DEPTOR: variants seen among roughly 807,000 people sequenced by gnomAD.
DEPTOR encodes DEP domain-containing mTOR-interacting protein.
Under a neutral mutation model 41.6 loss-of-function variants are expected in DEPTOR, and 41 were observed. That is an observed-to-expected ratio of 0.98 (90% CI 0.77 to 1.28). The LOEUF (loss-of-function observed/expected upper bound fraction) is 1.28, where lower values mean the gene tolerates loss of function less well. Ranked by LOEUF, DEPTOR falls within the 50% of genes most tolerant of loss-of-function variation. The pLI, the probability that DEPTOR is intolerant of heterozygous loss-of-function variation, is 0.00. For synonymous variants in DEPTOR, 195 were observed against 192.3 expected, an observed-to-expected ratio of 1.01 and a Z score of -0.12; for missense variants, 514 against 527.9, an observed-to-expected ratio of 0.97 and a Z score of 0.26.
At chr8:119,911,978 G>T (rs1022091384) in intron 1 of DEPTOR, among the ~76,000 whole-genome samples, 2 of 152,176 alleles carry the variant, frequency 1.3e-5, no homozygotes, top group African/African-American at 4.8e-5. Context: ...GAATGAGATA[G>T]TTTTTTACTC....
At chr8:120,001,917 GT>G (rs1299537572) in intron 5 of DEPTOR, among the ~76,000 whole-genome samples, 1 of 152,046 alleles carries the variant, frequency 6.6e-6, no homozygotes, top group Non-Finnish European at 1.5e-5. Flanking sequence ...ATAAAATTAT[GT>G]ATTTGAATTA....
intron 4 of DEPTOR, among the ~76,000 whole-genome samples, chr8:119,968,897 C>T (rs1289136250): frequency 6.6e-6 from 1 of 151,958 alleles, no homozygotes; most frequent in Non-Finnish European, 1.5e-5. Context: ...GGTGGCTCAG[C>T]GAGCTGGCCA....
intron 3 of DEPTOR, among the ~76,000 whole-genome samples, chr8:119,943,858 G>A (rs1417344035): frequency 6.6e-6 from 1 of 151,862 alleles, no homozygotes; most frequent in African/African-American, 2.4e-5. Context: ...TATTTTTTGA[G>A]ACGGAGTCTC....
chr8:119,888,377 G>C (rs927812285), intron 1 of DEPTOR, among the ~76,000 whole-genome samples: 2 of 152,122 alleles, frequency 1.3e-5, no homozygotes, highest in South Asian at 4.1e-4. Context: ...TTTAGCTCTC[G>C]ACTTGGCAGA....
At chr8:119,917,855 T>C (rs562540114) in intron 1 of DEPTOR, among the ~76,000 whole-genome samples, 3 of 152,328 alleles carry the variant, frequency 2.0e-5, no homozygotes, top group Non-Finnish European at 4.4e-5. Context: ...TTCCACCTAC[T>C]GAGATAGGGG....
chr8:119,990,850 T>G lies in DEPTOR; in HGVS notation c.605-10675T>G, dbSNP rs1192717529. ...GTTGTTATTGCCTTTTGGAGAGTTTTGTATCCCAAGCAGCTAGCACCGTTT... is the reference window on the plus strand; with the variant it reads ...GTTGTTATTGCCTTTTGGAGAGTTTGGTATCCCAAGCAGCTAGCACCGTTT... On this transcript the variant is annotated intron_variant, in intron 4 of 8. Coordinates refer to ENST00000286234, the MANE Select transcript of DEPTOR (RefSeq NM_022783.4). Among the ~76,000 whole-genome samples the G allele has an allele frequency of 3.9e-5, 6 of 152,186 alleles. No individual in the cohort carries two copies. In the East Asian group the frequency reaches 1.2e-3, roughly 29 times the overall value.
At chr8:120,021,882 A>G (rs1586661665) in intron 8 of DEPTOR, among the ~76,000 whole-genome samples, 2 of 151,904 alleles carry the variant, frequency 1.3e-5, no homozygotes, top group African/African-American at 4.8e-5. Context: ...TCGTGGCTCA[A>G]ACCTTTAATT....
Position 120,006,800 on chromosome 8 carries a change from G to A in DEPTOR, c.926-5G>A. 6.2e-7 allele frequency: 1 copy of A among 1,613,798 alleles called. No individual in the cohort carries two copies. The highest frequency in any genetic ancestry group is 8.5e-7 in the Non-Finnish European group (1 of 1,179,848). On this transcript the variant is annotated splice_polypyrimidine_tract_variant and splice_region_variant and intron_variant, in intron 6 of 8. Coordinates refer to ENST00000286234, the MANE Select transcript of DEPTOR (RefSeq NM_022783.4). The stretch of plus-strand genomic sequence containing the variant: ...TTATGTCTTGACATTGTGTTTGTCT[G>A]CCAGTGCTGAAGAGACCTGTCACCT...
chr8:119,924,072 A>G (rs1347521051), intron 1 of DEPTOR, among the ~76,000 whole-genome samples: 1 of 152,020 alleles, frequency 6.6e-6, no homozygotes, highest in Admixed American at 6.6e-5. Flanking sequence ...TCATCTCAGA[A>G]TGTCATTTTC....
intron 4 of DEPTOR, among the ~76,000 whole-genome samples, chr8:119,997,062 A>G (rs1812272938): frequency 6.6e-6 from 1 of 152,140 alleles, no homozygotes; most frequent in Admixed American, 6.6e-5. Context: ...GCATTAGGTG[A>G]GCCTCTCCTG....
chr8:119,895,427 G>C (rs1827508069), intron 1 of DEPTOR, among the ~76,000 whole-genome samples: 1 of 152,222 alleles, frequency 6.6e-6, no homozygotes, highest in East Asian at 1.9e-4. Flanking sequence ...GGGACGTGCA[G>C]TCCTCTGTCC....
At chr8:120,002,085 A>G (rs1250225612) in intron 5 of DEPTOR, among the ~76,000 whole-genome samples, 1 of 152,182 alleles carries the variant, frequency 6.6e-6, no homozygotes, top group East Asian at 1.9e-4. Flanking sequence ...GCTGAGCAAT[A>G]TAGCAAGACC....
intron 1 of DEPTOR, among the ~76,000 whole-genome samples, chr8:119,926,287 A>C (rs1935595569): frequency 6.6e-6 from 1 of 152,144 alleles, no homozygotes; most frequent in African/African-American, 2.4e-5. Context: ...ATGATGATTC[A>C]GGTGCTCTAA....
chr8:119,952,015 A>G (rs1828359193), intron 3 of DEPTOR, among the ~76,000 whole-genome samples: 1 of 152,162 alleles, frequency 6.6e-6, no homozygotes, highest in Admixed American at 6.5e-5. Flanking sequence ...CACGCCTGTA[A>G]TCCCAGCTAC....
chr8:119,956,700 T>TC (rs1828421010), intron 3 of DEPTOR, among the ~76,000 whole-genome samples: 1 of 151,488 alleles, frequency 6.6e-6, no homozygotes. Flanking sequence ...CCTTTTTTTT[T>TC]TTTTTTTTTA....
intron 8 of DEPTOR, among the ~76,000 whole-genome samples, chr8:120,040,912 A>T (rs953193313): frequency 6.6e-6 from 1 of 152,156 alleles, no homozygotes; most frequent in Non-Finnish European, 1.5e-5. Flanking sequence ...TTTCTGTATC[A>T]TTTAATCGGG....
At chr8:120,042,834 A>T (rs138024193) in intron 8 of DEPTOR, among the ~76,000 whole-genome samples, 2,911 of 151,478 alleles carry the variant, frequency 0.019, 33 homozygotes, top group Non-Finnish European at 0.03. Flanking sequence ...TTTTATTTTT[A>T]TTTTTTTAAT....
At chr8:120,035,205 A>G (rs1368274159) in intron 8 of DEPTOR, among the ~76,000 whole-genome samples, 1 of 152,116 alleles carries the variant, frequency 6.6e-6, no homozygotes, top group African/African-American at 2.4e-5. Flanking sequence ...GTGTAGTCCC[A>G]GCTACTCAGG....
In DEPTOR at chr8:119,911,938, G is replaced by A. The variant is rs531922951; in HGVS notation, c.123-16462G>A. 3.3e-5 allele frequency among the ~76,000 whole-genome samples: 5 copies of A among 152,164 alleles called. No homozygotes were observed. The South Asian group carries it at 1.0e-3, about 32-fold the overall frequency. ...CGAAGTGTCATTTACCCTAAGCCCTGTCCCACACATTTTGGGAAATATGAA... is the reference window on the plus strand; with the variant it reads ...CGAAGTGTCATTTACCCTAAGCCCTATCCCACACATTTTGGGAAATATGAA... On this transcript the variant is annotated intron_variant, in intron 1 of 8. Transcript: ENST00000286234.
Sources: allele counts gnomAD v4.1 joint callset (sites outside exome capture counted in the v4.1 genomes callset), GRCh38; gene constraint gnomAD v4.1.1; transcripts MANE v1.5; gene names NCBI Gene and HGNC (gene_info 2026-07-23, HGNC 2026-07-21).